Variants in GGCX observed in about 807,000 individuals in gnomAD.
GGCX encodes gamma-glutamyl carboxylase.
A neutral mutation model predicts 88.5 loss-of-function variants in GGCX; 63 were observed. The observed-to-expected ratio is 0.71, with a 90% CI of 0.58 to 0.88. The LOEUF (loss-of-function observed/expected upper bound fraction) is 0.88, where lower values mean the gene tolerates loss of function less well. Ranked by LOEUF, GGCX falls within the 40% of genes least tolerant of loss-of-function variation. The probability of loss-of-function intolerance (pLI) is 0.00; values close to 1 mark genes in which losing one functional copy is unlikely to be tolerated. For missense variants in GGCX, 805 were observed against 932.9 expected, an observed-to-expected ratio of 0.86 and a Z score of 1.79; for synonymous variants, 368 against 365.8, an observed-to-expected ratio of 1.01 and a Z score of -0.07.
chr2:85,561,089 G>GCTTAATGAGGTTGC, intron 1 of GGCX, 104 bp from the exon 2 acceptor site: 1 of 975,704 alleles, frequency 1.0e-6, no homozygotes. Flanking sequence ...ACCCGGGTCG[G>GCTTAATGAGGTTGC]CTCAATGAGG....
At position 85,551,074 on chromosome 2, in the gene GGCX, T is replaced by C; in HGVS notation, c.1741-2A>G. On this transcript the variant is annotated splice_acceptor_variant, in intron 12 of 14. Coordinates refer to ENST00000233838, the MANE Select transcript of GGCX (RefSeq NM_000821.7). LOFTEE classifies it high-confidence loss of function. ...CTTATGGTACTCACCAGCAGGCAAC[T>C]GACAAGGGAGAAGAAATGGATAAAT... The C allele has an allele frequency of 6.2e-7, 1 of 1,613,662 alleles. No individual in the cohort carries two copies. Among genetic ancestry groups the C allele is most frequent in the Non-Finnish European group, 8.5e-7 (1 of 1,179,560 alleles).
chr2:85,553,430 C>G lies in GGCX; in HGVS notation c.957G>C (p.Leu319=). ...GCAACCTTCGGGGGCAGTAGGACAC[C>G]AGCTTCCGAGGCCACTCAGGGGAGC... ...LFCSPEWPRK[L]VSYCPRRLQQ... Residue 319 remains leucine, a synonymous_variant, in exon 8 of 15, where the codon CTG becomes CTC. Coordinates refer to ENST00000233838, the MANE Select transcript of GGCX (RefSeq NM_000821.7). The G allele has an allele frequency of 6.2e-7, 1 of 1,614,038 alleles. No individual in the cohort carries two copies. The highest frequency in any genetic ancestry group is 8.5e-7 in the Non-Finnish European group (1 of 1,179,978).
At chr2:85,551,138 C>T (rs1691931541) in intron 12 of GGCX, 66 bp from the exon 13 acceptor site, 4 of 1,412,382 alleles carry the variant, frequency 2.8e-6, no homozygotes, top group South Asian at 1.1e-5. Flanking sequence ...GGCCTCCCTA[C>T]TCTATGACTC....
chr2:85,558,695 T>A (rs751146532), intron 3 of GGCX, 90 bp from the exon 4 acceptor site: 1 of 1,061,590 alleles, frequency 9.4e-7, no homozygotes, highest in Admixed American at 1.7e-5. Flanking sequence ...TTAAGAAAAA[T>A]CAAGCATTGT....
At position 85,547,062 on chromosome 2, in the gene GGCX, G is replaced by C. The variant is rs570448964; in HGVS notation, c.*2872C>G. On this transcript the variant is annotated 3_prime_UTR_variant, in exon 15 of 15. Transcript: ENST00000233838. ...TAGTGTTGTCCTGCCCAGCCTAGGG[G>C]AAAAGTATCCTGAAGGTTAATAAGG... 1 of 152,232 alleles carries C rather than the reference G, an allele frequency of 6.6e-6. No homozygotes were observed. Among genetic ancestry groups the C allele is most frequent in the African/African-American group, 2.4e-5 (1 of 41,440 alleles). The allele number at this position is 152,232 out of a possible 1,614,324, so 9.4% of individuals were successfully genotyped here.
rs1234372890 is a variant in GGCX, at chr2:85,546,479, G to C, written c.*3455C>G. 1 of 149,218 alleles carries C rather than the reference G, an allele frequency of 6.7e-6. No individual in the cohort carries two copies. The highest frequency in any genetic ancestry group is 1.5e-5 in the Non-Finnish European group (1 of 66,958). 9.2% of individuals were successfully genotyped at this position (149,218 alleles called of 1,614,324 possible). On this transcript the variant is annotated 3_prime_UTR_variant, in exon 15 of 15. Coordinates refer to ENST00000233838, the MANE Select transcript of GGCX (RefSeq NM_000821.7). The stretch of plus-strand genomic sequence containing the variant: ...CACCTGTAATCCCAGCACTTTGGGA[G>C]GCTAATGCGGGTGGATCACCTGAGG...
chr2:85,558,004 G>A (rs1174330288), intron 4 of GGCX, among the ~76,000 whole-genome samples: 1 of 152,042 alleles, frequency 6.6e-6, no homozygotes, highest in East Asian at 1.9e-4. Flanking sequence ...AGCAGCCCTG[G>A]TGGGCCCTCT....
chr2:85,551,458 G>A, intron 12 of GGCX, 22 bp downstream of exon 12: 1 of 1,612,838 alleles, frequency 6.2e-7, no homozygotes, highest in Non-Finnish European at 8.5e-7. Flanking sequence ...TCTTTCTGCT[G>A]TTGTTAATCC....
Position 85,550,692 on chromosome 2 carries a change from G to GC in GGCX, c.1946dup (p.Glu651Ter), listed in dbSNP as rs1411088751. Reference sequence around the variant, plus strand: ...TCTGAACCAGAGGTGTTGGCTCAGGGCCCCCTTTTACTTCCCCTTCCAACA... The same window carrying GC: ...TCTGAACCAGAGGTGTTGGCTCAGGGCCCCCCTTTTACTTCCCCTTCCAACA... On this transcript the variant is annotated frameshift_variant, in exon 14 of 15. Transcript: ENST00000233838. LOFTEE classifies it high-confidence loss of function. The GC allele has an allele frequency of 1.2e-6, 2 of 1,613,870 alleles. No homozygotes were observed. The highest frequency in any genetic ancestry group is 1.7e-6 in the Non-Finnish European group (2 of 1,179,904).
In GGCX at chr2:85,554,204, T is replaced by A. The variant is rs759377389; in HGVS notation, c.828A>T (p.Arg276Ser). ...AGFLLFFDVS[R>S]SIGLFFVSYF... ...AGGACACAAAGAACAGGCCAATGGA[T>A]CTTGAGACATCAAAAAAGAGCAGGA... Residue 276 changes from arginine (R) to serine (S), a missense_variant, in exon 7 of 15, where the codon AGA becomes AGT. This residue lies in a region of GGCX where 680 missense variants were observed against 763.7 expected (regional missense o/e 0.89). Transcript: ENST00000233838. The A allele has an allele frequency of 1.2e-6, 2 of 1,613,002 alleles. No individual in the cohort carries two copies. Among genetic ancestry groups the A allele is most frequent in the Non-Finnish European group, 1.7e-6 (2 of 1,179,038 alleles).
intron 12 of GGCX, 25 bp from the exon 13 acceptor site, chr2:85,551,097 A>C: frequency 1.2e-6 from 2 of 1,610,744 alleles, no homozygotes; most frequent in South Asian, 2.2e-5. Flanking sequence ...GAAATGGATA[A>C]ATTTCATCAG....
intron 6 of GGCX, chr2:85,554,842 C>T (rs1692138612): frequency 5.4e-6 from 1 of 186,206 alleles, no homozygotes; most frequent in Non-Finnish European, 1.1e-5. Flanking sequence ...GGGCAGATCT[C>T]CTAGGACAAA....
At chr2:85,553,847 C>T (rs1692088185) in intron 7 of GGCX, 2 of 475,940 alleles carry the variant, frequency 4.2e-6, no homozygotes, top group South Asian at 4.2e-5. Flanking sequence ...GTGATCCACC[C>T]ACCTCGGCCT....
In GGCX at chr2:85,559,001, C is replaced by A. The variant is rs377094811; in HGVS notation, c.289G>T (p.Asp97Tyr). The A allele has an allele frequency of 4.3e-6, 7 of 1,613,902 alleles. No individual in the cohort carries two copies. Among genetic ancestry groups the A allele is most frequent in the Non-Finnish European group, 5.9e-6 (7 of 1,179,762 alleles). The change falls in exon 3 of 15, where the codon GAT becomes TAT. Residue 97 changes from aspartate to tyrosine, a missense_variant. By Grantham distance (160) the Asp-to-Tyr change is radical. Transcript: ENST00000233838. The part of the protein sequence containing the change: ...SLDRKYLDGL[D>Y]VCRFPLLDAL... The stretch of plus-strand genomic sequence containing the variant: ...TCCAGCAAGGGGAAGCGGCACACAT[C>A]CAGCCCATCAAGGTATTTCCGGTCC...
rs563442751 is a variant in GGCX, at chr2:85,548,624, T to G, written c.*1310A>C. 5.9e-5 allele frequency: 9 copies of G among 152,246 alleles called. No homozygotes were observed. Among genetic ancestry groups the G allele is most frequent in the African/African-American group, 2.2e-4 (9 of 41,542 alleles). 9.4% of individuals were successfully genotyped at this position (152,246 alleles called of 1,614,324 possible). A position where few individuals can be genotyped will look rare whatever the true frequency, so the allele number is the denominator to read the frequency against. ...AAAGAGATGCAATCATTTACAGAAG[T>G]TACTGAGACTGCCAATTTACTACCG... On this transcript the variant is annotated 3_prime_UTR_variant, in exon 15 of 15. Transcript: ENST00000233838.
chr2:85,561,321 C>A, intron 1 of GGCX, 65 bp downstream of exon 1: 1 of 1,090,734 alleles, frequency 9.2e-7, no homozygotes. Context: ...CGTCCTCCCG[C>A]CCCCGCCCCT....
At position 85,550,579 on chromosome 2, in the gene GGCX, C is replaced by T. The variant is rs1173187820; in HGVS notation, c.2060G>A (p.Arg687Gln). 2.5e-6 allele frequency: 4 copies of T among 1,613,698 alleles called. No homozygotes were observed. The highest frequency in any genetic ancestry group is 3.4e-6 in the Non-Finnish European group (4 of 1,179,730). ...CCTGCGGCGAAAGACATAGAGCTTTCGCAACAAGAAGCGGAAGAATCGCTC... is the reference window on the plus strand; with the variant it reads ...CCTGCGGCGAAAGACATAGAGCTTTTGCAACAAGAAGCGGAAGAATCGCTC... ...FHERFFRFLL[R>Q]KLYVFRRSFL... The change falls in exon 14 of 15, where the codon CGA (arginine) becomes CAA (glutamine). Residue 687 changes from arginine (R) to glutamine (Q), a missense_variant. Arg to Gln is a conservative substitution (Grantham distance 43). Transcript: ENST00000233838.
Position 85,556,278 on chromosome 2 carries a change from A to G in GGCX, c.540-18T>C. On this transcript the variant is annotated intron_variant, in intron 4 of 14. Coordinates refer to ENST00000233838, the MANE Select transcript of GGCX (RefSeq NM_000821.7). ...CCACAGACCTACACCGAGGGAGGTA[A>G]ACATTGAGGGGGGAGCTGCTTAATG... is the stretch of plus-strand genomic sequence containing the variant. 6.5e-7 allele frequency: 1 copy of G among 1,529,322 alleles called. No homozygotes were observed. 94.7% of individuals were successfully genotyped at this position (1,529,322 alleles called of 1,614,324 possible).
rs1370059887 is a variant in GGCX at position 85,551,996 on chromosome 2, C to G, written c.1440-15G>C. On this transcript the variant is annotated splice_polypyrimidine_tract_variant and intron_variant, in intron 10 of 14. Transcript: ENST00000233838. Reference sequence around the variant, plus strand: ...GGTCAAAAATCCTTAGGAAAGAAAACCATGTTCTAAGGACATCACAGCCAC... The same window carrying G: ...GGTCAAAAATCCTTAGGAAAGAAAAGCATGTTCTAAGGACATCACAGCCAC... 1 of 1,609,100 alleles carries G rather than the reference C, an allele frequency of 6.2e-7. No homozygotes were observed. Among genetic ancestry groups the G allele is most frequent in the African/African-American group, 1.3e-5 (1 of 74,804 alleles).
Sources: allele counts gnomAD v4.1 joint callset (sites outside exome capture counted in the v4.1 genomes callset), GRCh38; gene constraint gnomAD v4.1.1; regional missense constraint gnomAD v4.1.1; transcripts MANE v1.5; gene names NCBI Gene and HGNC (gene_info 2026-07-23, HGNC 2026-07-21).